The following PNPLA1 variants were observed in gnomAD, a reference collection of about 807,000 sequenced individuals.
The protein encoded by PNPLA1 is patatin like domain 1, omega-hydroxyceramide transacylase, also known as omega-hydroxyceramide transacylase.
Under a neutral mutation model 51.7 loss-of-function variants are expected in PNPLA1, and 36 were observed. That is an observed-to-expected ratio of 0.70 (90% CI 0.53 to 0.92). PNPLA1 has a LOEUF of 0.92. Among genes scored for constraint, PNPLA1 ranks in the 40% least tolerant of loss-of-function variants. PNPLA1 has a pLI of 0.00. For missense variants in PNPLA1, 658 were observed against 682.5 expected (o/e 0.96, Z 0.40); for synonymous variants, 293 against 280.1 (o/e 1.05, Z -0.46).
upstream of PNPLA1, among the ~76,000 whole-genome samples, chr6:36,265,533 C>A (rs976967144): frequency 3.3e-5 from 5 of 152,146 alleles, no homozygotes; most frequent in East Asian, 1.9e-4. Flanking sequence ...AGTATCTATA[C>A]CTTAAAGTAT....
At chr6:36,300,178 TGAGAGAGA>T (rs71548136) in intron 5 of PNPLA1, among the ~76,000 whole-genome samples, 77 of 98,126 alleles carry the variant, frequency 7.8e-4, no homozygotes, top group African/African-American at 1.4e-3. Flanking sequence ...TGTGTGTGTG[TGAGAGAGA>T]GAGAGAGAGA....
intron 1 of PNPLA1, among the ~76,000 whole-genome samples, chr6:36,258,644 T>C (rs1382515191): frequency 6.6e-6 from 1 of 152,206 alleles, no homozygotes; most frequent in Non-Finnish European, 1.5e-5. Flanking sequence ...AGCAGGTTTA[T>C]TCTCTATCTT....
intron 1 of PNPLA1, among the ~76,000 whole-genome samples, chr6:36,287,057 T>TA (rs1770514081): frequency 6.6e-6 from 1 of 152,208 alleles, no homozygotes; most frequent in Admixed American, 6.5e-5. Flanking sequence ...CTGACCACAG[T>TA]AATCAATATT....
intron 1 of PNPLA1, among the ~76,000 whole-genome samples, chr6:36,286,743 A>G (rs565363567): frequency 1.5e-4 from 23 of 152,222 alleles, no homozygotes; most frequent in African/African-American, 4.3e-4. Flanking sequence ...CAGTGGTGCA[A>G]TCATGGCTCA....
At chr6:36,300,341 C>T (rs188862101) in intron 5 of PNPLA1, among the ~76,000 whole-genome samples, 96 of 151,392 alleles carry the variant, frequency 6.3e-4, no homozygotes, top group Non-Finnish European at 1.2e-3. Context: ...GCTACAGGTG[C>T]ATGCCACTAC....
intron 1 of PNPLA1, among the ~76,000 whole-genome samples, chr6:36,256,794 C>T (rs551051777): frequency 4.6e-5 from 7 of 152,166 alleles, no homozygotes; most frequent in Non-Finnish European, 1.0e-4. Flanking sequence ...AATAAACAGA[C>T]AGTAGACAGA....
Position 36,305,174 on chromosome 6 carries a change from A to G in PNPLA1, c.1385-1118A>G, listed in dbSNP as rs529509251. On this transcript the variant is annotated intron_variant, in intron 6 of 8. Coordinates refer to ENST00000636260, the MANE Select transcript of PNPLA1 (RefSeq NM_001374623.1). ...AAAAATTCATTAACTTTCTTAAAAC[A>G]TTGTGAGATTTTTTTTGGATTTTTT... is the stretch of plus-strand genomic sequence containing the variant. Among the ~76,000 whole-genome samples, 20 of 152,232 alleles carry G rather than the reference A, an allele frequency of 1.3e-4. No homozygotes were observed. The East Asian group carries it at 3.9e-3, about 29-fold the overall frequency.
intron 1 of PNPLA1, among the ~76,000 whole-genome samples, chr6:36,265,035 G>A (rs991236048): frequency 6.6e-6 from 1 of 152,184 alleles, no homozygotes; most frequent in Non-Finnish European, 1.5e-5. Context: ...TGCTACAGTG[G>A]AGGGCTGTTT....
chr6:36,262,760 G>A (rs886137837), intron 1 of PNPLA1, among the ~76,000 whole-genome samples: 15 of 152,130 alleles, frequency 9.9e-5, no homozygotes, highest in Admixed American at 7.2e-4. Context: ...CTTGGAGAAC[G>A]TTCCCTATGA....
intron 1 of PNPLA1, among the ~76,000 whole-genome samples, chr6:36,288,026 A>G (rs35822965): frequency 0.24 from 36,167 of 152,082 alleles, 5,419 homozygotes; most frequent in Non-Finnish European, 0.32. Context: ...TGTTCCTGTC[A>G]CCCAACCCTA....
At chr6:36,263,381 A>G (rs1054246001) in intron 1 of PNPLA1, among the ~76,000 whole-genome samples, 2 of 152,206 alleles carry the variant, frequency 1.3e-5, no homozygotes, top group East Asian at 3.9e-4. Context: ...AGAACAAGGT[A>G]TTCAGAGAAA....
chr6:36,307,065 T>C (rs575683368), intron 7 of PNPLA1, among the ~76,000 whole-genome samples: 1 of 152,064 alleles, frequency 6.6e-6, no homozygotes, highest in African/African-American at 2.4e-5. Flanking sequence ...CAAGGGTATT[T>C]CTCCCCACAA....
At chr6:36,287,367 C>G (rs144227317) in intron 1 of PNPLA1, among the ~76,000 whole-genome samples, 5 of 152,018 alleles carry the variant, frequency 3.3e-5, no homozygotes, top group African/African-American at 1.2e-4. Flanking sequence ...CTCCTCTGAG[C>G]AGAAGTGGAT....
At chr6:36,248,509 C>G (rs548309588) in intron 1 of PNPLA1, among the ~76,000 whole-genome samples, 1 of 152,116 alleles carries the variant, frequency 6.6e-6, no homozygotes, top group African/African-American at 2.4e-5. Flanking sequence ...AAATGCCACA[C>G]CAAAATAACT....
Position 36,271,143 on chromosome 6 carries a change from A to G in PNPLA1, c.205+479A>G, listed in dbSNP as rs917588143. Among the ~76,000 whole-genome samples, 6 of 152,162 alleles carry G rather than the reference A, an allele frequency of 3.9e-5. No individual in the cohort carries two copies. The East Asian group carries it at 1.2e-3, about 29-fold the overall frequency. On this transcript the variant is annotated intron_variant, in intron 1 of 8. Transcript: ENST00000636260. ...CCACCATTTCCAGGTGGCTGGAAAG[A>G]TGAACGCCCTGAGGCTGGAGGGGTA...
chr6:36,292,673 A>C (rs1770725074), intron 2 of PNPLA1, among the ~76,000 whole-genome samples: 1 of 150,810 alleles, frequency 6.6e-6, no homozygotes, highest in Non-Finnish European at 1.5e-5. Context: ...CCACTTGCTC[A>C]CTCCCTCTCA....
intron 5 of PNPLA1, among the ~76,000 whole-genome samples, chr6:36,300,838 G>T (rs1013013734): frequency 6.6e-6 from 1 of 152,186 alleles, no homozygotes; most frequent in Admixed American, 6.5e-5. Context: ...AAAGGGTCAA[G>T]CATCTACATA....
intron 8 of PNPLA1, among the ~76,000 whole-genome samples, chr6:36,309,325 CT>C (rs1483194635): frequency 6.6e-6 from 1 of 152,144 alleles, no homozygotes. Flanking sequence ...GCCTGGGATT[CT>C]TCTCACTCAT....
intron 1 of PNPLA1, among the ~76,000 whole-genome samples, chr6:36,281,565 A>G (rs1770283641): frequency 6.6e-6 from 1 of 152,198 alleles, no homozygotes; most frequent in Non-Finnish European, 1.5e-5. Flanking sequence ...GAGATTAGAT[A>G]ATTTTCCCAG....
Sources: gnomAD v4.1 joint callset for allele counts (sites outside exome capture counted in the v4.1 genomes callset) on GRCh38, gnomAD v4.1.1 for gene constraint, MANE v1.5 for transcripts, NCBI Gene and HGNC (gene_info 2026-07-23, HGNC 2026-07-21) for gene names.